EBF3: variants seen among roughly 807,000 people sequenced by gnomAD.
The protein encoded by EBF3 is EBF transcription factor 3.
A neutral mutation model predicts 77.1 loss-of-function variants in EBF3; 18 were observed. That is an observed-to-expected ratio of 0.23 (90% CI 0.16 to 0.35). The LOEUF is 0.35. Among genes scored for constraint, EBF3 ranks in the 10% least tolerant of loss-of-function variants. EBF3 has a pLI of 1.00. For missense variants in EBF3, 558 were observed against 860.0 expected (o/e 0.65, Z 4.39); for synonymous variants, 350 against 343.5 (o/e 1.02, Z -0.21).
intron 7 of EBF3, 90 bp downstream of exon 7, chr10:129,877,678 G>C: frequency 8.8e-7 from 1 of 1,130,204 alleles, no homozygotes; most frequent in East Asian, 2.4e-5. Flanking sequence ...AAGAACTCAA[G>C]ATTACTTCCT....
At chr10:129,918,977 G>A (rs1465431468) in intron 6 of EBF3, among the ~76,000 whole-genome samples, 2 of 152,036 alleles carry the variant, frequency 1.3e-5, no homozygotes, top group Non-Finnish European at 2.9e-5. Flanking sequence ...TTCCCCAGCC[G>A]GGCTTACCAA....
chr10:129,880,355 A>ACACATGCC (rs140082475), intron 6 of EBF3, among the ~76,000 whole-genome samples: 3 of 147,960 alleles, frequency 2.0e-5, no homozygotes, highest in Non-Finnish European at 3.1e-5. Context: ...GCCCACAGAC[A>ACACATGCC]CACATGCCCA....
chr10:129,840,713 C>T (rs547467029), intron 14 of EBF3, 131 bp downstream of exon 14: 17 of 1,334,536 alleles, frequency 1.3e-5, no homozygotes, highest in Admixed American at 2.5e-5. Context: ...GCCATTTGGA[C>T]GCCCAGCCTC....
Position 129,842,273 on chromosome 10 carries a change from C to T in EBF3, c.1215G>A (p.Ala405=), listed in dbSNP as rs767706451. Residue 405 remains alanine, a synonymous_variant, in exon 13 of 17, where the codon GCG becomes GCA. Coordinates refer to ENST00000440978, the MANE Select transcript of EBF3 (RefSeq NM_001375380.1). The surrounding 1 kb of genome is among the most constrained non-coding windows in gnomAD (Gnocchi z 4.4). The part of the protein sequence containing the change: ...HNNQEIILKR[A]ADIAEALYSV... ...TGTACAGCGCCTCGGCGATGTCCGC[C>T]GCTCGCTTCAAGATGATCTCCTGCA... 44 of 1,602,620 alleles carry T rather than the reference C, an allele frequency of 2.7e-5. No individual in the cohort carries two copies. Among genetic ancestry groups the T allele is most frequent in the African/African-American group, 9.4e-5 (7 of 74,702 alleles).
intron 6 of EBF3, among the ~76,000 whole-genome samples, chr10:129,904,378 A>T (rs968065765): frequency 2.0e-5 from 3 of 152,254 alleles, no homozygotes; most frequent in Non-Finnish European, 2.9e-5. Context: ...ATTAAGGGAT[A>T]CAGGGCTATG....
At chr10:129,911,034 G>A (rs747771498) in intron 6 of EBF3, among the ~76,000 whole-genome samples, 6 of 152,168 alleles carry the variant, frequency 3.9e-5, no homozygotes, top group African/African-American at 7.2e-5. Context: ...GGGTACCACC[G>A]CCCACTGCCC....
chr10:129,877,919 ACT>A (rs1852907709), intron 6 of EBF3, 70 bp from the exon 7 acceptor site: 7 of 1,262,338 alleles, frequency 5.5e-6, no homozygotes, highest in South Asian at 5.2e-5. Flanking sequence ...TTTAAAAGAC[ACT>A]CTTGCGCAGG....
chr10:129,901,561 A>C (rs1033136523), intron 6 of EBF3, among the ~76,000 whole-genome samples: 2 of 152,206 alleles, frequency 1.3e-5, no homozygotes, highest in African/African-American at 4.8e-5. Context: ...TTGTGTTGAA[A>C]GCATCCCGGT....
chr10:129,858,741 T>G lies in EBF3; in HGVS notation c.1039+8400A>C, dbSNP rs191336258. Among the ~76,000 whole-genome samples, 28 of 152,286 alleles carry G rather than the reference T, an allele frequency of 1.8e-4. No individual in the cohort carries two copies. The South Asian group carries it at 2.7e-3, about 15-fold the overall frequency. On this transcript the variant is annotated intron_variant, in intron 10 of 16. Transcript: ENST00000440978. ...TTTCCTGACTTTAGGCTTCCTCAGATGCCTAGAGTGCGGGTCCAGGCCTCA... is the reference window on the plus strand; with the variant it reads ...TTTCCTGACTTTAGGCTTCCTCAGAGGCCTAGAGTGCGGGTCCAGGCCTCA...
chr10:129,908,672 C>T (rs531647424), intron 6 of EBF3, among the ~76,000 whole-genome samples: 16 of 152,216 alleles, frequency 1.1e-4, no homozygotes, highest in South Asian at 2.1e-4. Flanking sequence ...TCGTTAGTGG[C>T]GTTGATCGGA....
chr10:129,851,002 C>T (rs1275517339), intron 10 of EBF3, among the ~76,000 whole-genome samples: 1 of 152,220 alleles, frequency 6.6e-6, no homozygotes, highest in Non-Finnish European at 1.5e-5. Flanking sequence ...GCTGGCACGT[C>T]CAGTCACAGA....
At chr10:129,878,715 A>G (rs971718543) in intron 6 of EBF3, among the ~76,000 whole-genome samples, 1 of 141,272 alleles carries the variant, frequency 7.1e-6, no homozygotes, top group Non-Finnish European at 1.5e-5. Context: ...TTAAAAAGCA[A>G]TTGGGGGGTG....
chr10:129,962,340 A>T (rs754267726), intron 3 of EBF3, 114 bp from the exon 4 acceptor site: 3 of 882,780 alleles, frequency 3.4e-6, no homozygotes, highest in Non-Finnish European at 5.5e-6. Context: ...GATGCAGCAG[A>T]ACTTAGGCAA....
intron 6 of EBF3, among the ~76,000 whole-genome samples, chr10:129,880,752 A>AG (rs989741379): frequency 7.2e-5 from 11 of 152,196 alleles, no homozygotes; most frequent in African/African-American, 2.7e-4. Flanking sequence ...GGACGGACAG[A>AG]GGGGAAGCCT....
At chr10:129,945,926 A>C (rs929804242) in intron 6 of EBF3, among the ~76,000 whole-genome samples, 2 of 151,958 alleles carry the variant, frequency 1.3e-5, no homozygotes, top group Non-Finnish European at 2.9e-5. Flanking sequence ...GAGTGCTTTT[A>C]CGTTTAGTGG....
chr10:129,939,837 T>C (rs1347676946), intron 6 of EBF3, among the ~76,000 whole-genome samples: 1 of 152,236 alleles, frequency 6.6e-6, no homozygotes. Flanking sequence ...GAACCGACCT[T>C]ACGGTTGCAC....
intron 6 of EBF3, among the ~76,000 whole-genome samples, chr10:129,923,537 G>A (rs1462543742): frequency 6.6e-6 from 1 of 152,214 alleles, no homozygotes; most frequent in Non-Finnish European, 1.5e-5. Context: ...ACTGAACAGG[G>A]AGTGGGTGGT....
In EBF3 at chr10:129,944,880, C is replaced by G. The variant is rs1311276236; in HGVS notation, c.554+12378G>C. On this transcript the variant is annotated intron_variant, in intron 6 of 16. Transcript: ENST00000440978. The surrounding 1 kb of genome is among the most constrained non-coding windows in gnomAD (Gnocchi z 5.1). ...CACTATAGAATATGTACGAAAATGT[C>G]AGGAGAACTGGGCATTTAAAGCTTG... is the stretch of plus-strand genomic sequence containing the variant. Among the ~76,000 whole-genome samples the G allele has an allele frequency of 1.3e-5, 2 of 151,230 alleles. No individual in the cohort carries two copies. Among genetic ancestry groups the G allele is most frequent in the Non-Finnish European group, 2.9e-5 (2 of 67,910 alleles).
At chr10:129,949,022 C>T (rs1228977184) in intron 6 of EBF3, among the ~76,000 whole-genome samples, 1 of 152,182 alleles carries the variant, frequency 6.6e-6, no homozygotes, top group African/African-American at 2.4e-5. Context: ...AAGAGGCACT[C>T]GTGCAGTGGC....
Sources: allele counts gnomAD v4.1 joint callset (sites outside exome capture counted in the v4.1 genomes callset), GRCh38; gene constraint gnomAD v4.1.1; non-coding constraint Gnocchi (gnomAD v3.1); transcripts MANE v1.5; gene names NCBI Gene and HGNC (gene_info 2026-07-23, HGNC 2026-07-21).